TENM2: variants seen among roughly 807,000 people sequenced by gnomAD.
TENM2 encodes the protein teneurin transmembrane protein 2.
In TENM2, 52 loss-of-function variants were observed where a neutral mutation model predicts 245.2. That is an observed-to-expected ratio of 0.21 (90% CI 0.17 to 0.27). The LOEUF is 0.27. TENM2 is among the 10% of genes least tolerant of loss of function. The probability of loss-of-function intolerance (pLI) is 1.00; values close to 1 mark genes in which losing one functional copy is unlikely to be tolerated. For synonymous variants in TENM2, 1,363 were observed against 1,438.9 expected, an observed-to-expected ratio of 0.95 and a Z score of 1.19; for missense variants, 3,046 against 3,666.8, an observed-to-expected ratio of 0.83 and a Z score of 4.37.
At chr5:167,394,621 T>A (rs1298117814) in intron 2 of TENM2, among the ~76,000 whole-genome samples, 1 of 152,046 alleles carries the variant, frequency 6.6e-6, no homozygotes, top group African/African-American at 2.4e-5. Context: ...GGAGACAGAG[T>A]CTCACTCTGT....
intron 3 of TENM2, among the ~76,000 whole-genome samples, chr5:167,931,289 G>A (rs761107323): frequency 2.0e-4 from 30 of 152,256 alleles, no homozygotes; most frequent in Middle Eastern, 6.8e-3. Flanking sequence ...TTTCTCATCA[G>A]AAATGGAGCT....
intron 13 of TENM2, among the ~76,000 whole-genome samples, chr5:168,169,296 A>G (rs1232991747): frequency 6.6e-6 from 1 of 152,158 alleles, no homozygotes; most frequent in Non-Finnish European, 1.5e-5. Flanking sequence ...CCCTCTCTAA[A>G]TGAAGCACTC....
intron 7 of TENM2, among the ~76,000 whole-genome samples, chr5:168,070,671 C>G (rs1360611468): frequency 6.6e-6 from 1 of 151,096 alleles, no homozygotes; most frequent in Non-Finnish European, 1.5e-5. Context: ...TGCCCATAGT[C>G]CCAGCTACTT....
chr5:167,303,107 A>G (rs564232608), intron 1 of TENM2: 109 of 159,418 alleles, frequency 6.8e-4, no homozygotes, highest in Non-Finnish European at 1.1e-3. Context: ...GAAGAGAGTA[A>G]GAAGAGGCCG....
chr5:167,981,805 C>A (rs1201838925), intron 4 of TENM2, among the ~76,000 whole-genome samples: 1 of 152,032 alleles, frequency 6.6e-6, no homozygotes, highest in African/African-American at 2.4e-5. Flanking sequence ...AAAACTTCGT[C>A]TCTACTAAAA....
intron 2 of TENM2, among the ~76,000 whole-genome samples, chr5:167,505,018 T>C (rs1472785522): frequency 2.0e-5 from 3 of 152,186 alleles, no homozygotes; most frequent in Non-Finnish European, 4.4e-5. Context: ...TCAGATCTTA[T>C]AATGGGTTAA....
chr5:167,223,887 C>T, the TENM2 span, among the ~76,000 whole-genome samples: 1 of 152,082 alleles, frequency 6.6e-6, no homozygotes, highest in African/African-American at 2.4e-5. Flanking sequence ...GCTATTTTGA[C>T]TAGTGTAAGA....
At chr5:167,739,760 C>T (rs1761046954) in intron 2 of TENM2, among the ~76,000 whole-genome samples, 1 of 152,208 alleles carries the variant, frequency 6.6e-6, no homozygotes, top group African/African-American at 2.4e-5. Context: ...ACTAAGACCA[C>T]TTTTCACACT....
chr5:168,230,562 C>T (rs961930653), intron 25 of TENM2, among the ~76,000 whole-genome samples: 3 of 152,080 alleles, frequency 2.0e-5, no homozygotes, highest in Non-Finnish European at 2.9e-5. Flanking sequence ...GCCCCTAAGC[C>T]GAAGGTACCC....
At chr5:167,732,517 C>T (rs1161501093) in intron 2 of TENM2, among the ~76,000 whole-genome samples, 1 of 152,090 alleles carries the variant, frequency 6.6e-6, no homozygotes, top group Non-Finnish European at 1.5e-5. Flanking sequence ...TGTTTTTTGT[C>T]TCACTGCCAA....
intron 2 of TENM2, among the ~76,000 whole-genome samples, chr5:167,762,120 A>T (rs1762711309): frequency 6.6e-6 from 1 of 151,840 alleles, no homozygotes; most frequent in African/African-American, 2.4e-5. Context: ...ACTAATTTTT[A>T]GTCTCTTTCT....
At chr5:168,124,066 TCAGA>T (rs2152349589) in intron 10 of TENM2, among the ~76,000 whole-genome samples, 1 of 152,184 alleles carries the variant, frequency 6.6e-6, no homozygotes, top group Non-Finnish European at 1.5e-5. Context: ...GGCCAAACAA[TCAGA>T]CAGTGAAACA....
chr5:168,062,797 T>C (rs1306201248), intron 7 of TENM2, among the ~76,000 whole-genome samples: 1 of 152,160 alleles, frequency 6.6e-6, no homozygotes, highest in Admixed American at 6.5e-5. Flanking sequence ...CATGATTCCG[T>C]TTATGTGTTT....
chr5:167,821,586 T>C (rs1767531786), intron 2 of TENM2, among the ~76,000 whole-genome samples: 1 of 152,230 alleles, frequency 6.6e-6, no homozygotes, highest in Admixed American at 6.5e-5. Context: ...GATCCGATAG[T>C]TCCATCGTGG....
intron 1 of TENM2, among the ~76,000 whole-genome samples, chr5:167,301,232 C>A (rs181869860): frequency 8.8e-4 from 134 of 152,244 alleles, no homozygotes; most frequent in African/African-American, 3.1e-3. Context: ...GGAGTGGATG[C>A]CAGGTGAGTT....
rs1317529565 is a variant in TENM2, at chr5:167,926,757, CACACACAA to C, written c.713-25830_713-25823del. On this transcript the variant is annotated intron_variant, in intron 3 of 28. Transcript: ENST00000518659. Reference sequence around the variant, plus strand: ...ACACACACACACACACACACACACACACACACAAGACCTTAGTGTCTTAGCGATGGGAG... The same window carrying C: ...ACACACACACACACACACACACACACGACCTTAGTGTCTTAGCGATGGGAG... 1.8e-3 allele frequency among the ~76,000 whole-genome samples: 270 copies of C among 149,368 alleles called. 4 individuals carry two copies. Among genetic ancestry groups the C allele is most frequent in the African/African-American group, 6.6e-3 (260 of 39,618 alleles).
chr5:166,990,683 G>A, the TENM2 span, among the ~76,000 whole-genome samples: 1 of 152,148 alleles, frequency 6.6e-6, no homozygotes, highest in Admixed American at 6.5e-5. Context: ...ATATTTAAAT[G>A]AAGGTGAAAC....
chr5:167,526,574 T>A (rs1257938560), intron 2 of TENM2, among the ~76,000 whole-genome samples: 1 of 152,076 alleles, frequency 6.6e-6, no homozygotes, highest in Non-Finnish European at 1.5e-5. Context: ...TTTTCTTGTT[T>A]ACGCTTTGTG....
intron 5 of TENM2, among the ~76,000 whole-genome samples, chr5:168,044,365 A>G (rs1409587820): frequency 9.2e-5 from 14 of 152,222 alleles, no homozygotes; most frequent in Admixed American, 7.9e-4. Flanking sequence ...CAGTGAGCCT[A>G]GATAGCGCCA....
Sources: allele counts gnomAD v4.1 joint callset (sites outside exome capture counted in the v4.1 genomes callset), GRCh38; gene constraint gnomAD v4.1.1; transcripts MANE v1.5; gene names NCBI Gene and HGNC (gene_info 2026-07-23, HGNC 2026-07-21).